The following GRM7 variants were observed in gnomAD, a reference collection of about 807,000 sequenced individuals.
GRM7 encodes the protein glutamate metabotropic receptor 7, also known as metabotropic glutamate receptor 7.
A neutral mutation model predicts 84.5 loss-of-function variants in GRM7; 35 were observed. The ratio of observed to expected loss-of-function variants is 0.41; its 90% CI spans 0.32 to 0.55. GRM7 has a LOEUF of 0.55. GRM7 is among the 20% of genes least tolerant of loss of function. The pLI is 0.19. For synonymous variants in GRM7, 487 were observed against 455.1 expected (o/e 1.07, Z -0.89); for missense variants, 1,003 against 1,194.6 (o/e 0.84, Z 2.36).
In GRM7 at chr3:7,285,715, A is replaced by G. The variant is rs7634537; in HGVS notation, c.737-12969A>G. Among the ~76,000 whole-genome samples the G allele has an allele frequency of 8.1e-3, 1,228 of 152,178 alleles. 13 individuals carry two copies. The highest frequency in any genetic ancestry group is 0.038 in the East Asian group (194 of 5,164). ...AATAGTTTTTTGCCCTCTTGGTGGC[A>G]CTGTGATGCCAATTGTCTATTGGTA... is the stretch of plus-strand genomic sequence containing the variant. On this transcript the variant is annotated intron_variant, in intron 2 of 9. Coordinates refer to ENST00000357716, the MANE Select transcript of GRM7 (RefSeq NM_000844.4).
chr3:7,271,515 C>T (rs1401468405), intron 2 of GRM7, among the ~76,000 whole-genome samples: 3 of 143,322 alleles, frequency 2.1e-5, no homozygotes, highest in South Asian at 4.5e-4. Context: ...GCTGAAATCG[C>T]GTCATTGCAC....
intron 1 of GRM7, among the ~76,000 whole-genome samples, chr3:7,135,554 T>G (rs558429338): frequency 6.6e-6 from 1 of 152,292 alleles, no homozygotes; most frequent in African/African-American, 2.4e-5. Flanking sequence ...TGCCCACATA[T>G]GCAAATCCCC....
chr3:7,600,805 G>A (rs1248485519), intron 8 of GRM7, among the ~76,000 whole-genome samples: 1 of 152,106 alleles, frequency 6.6e-6, no homozygotes, highest in Non-Finnish European at 1.5e-5. Context: ...CATTTCAAAA[G>A]CCACATCTGT....
At chr3:7,153,343 A>T (rs897272632) in intron 2 of GRM7, among the ~76,000 whole-genome samples, 1 of 151,978 alleles carries the variant, frequency 6.6e-6, no homozygotes, top group Non-Finnish European at 1.5e-5. Flanking sequence ...TCTCTTTATG[A>T]GTTCCACAGC....
At chr3:7,101,824 T>C (rs2125022549) in intron 1 of GRM7, among the ~76,000 whole-genome samples, 1 of 148,474 alleles carries the variant, frequency 6.7e-6, no homozygotes, top group Non-Finnish European at 1.5e-5. Context: ...TTATATCTGC[T>C]TTATATATAA....
rs185776095 is a variant in GRM7 at position 7,689,042 on chromosome 3, G to A, written c.2698+8747G>A. 9.3e-4 allele frequency among the ~76,000 whole-genome samples: 142 copies of A among 152,222 alleles called. 1 individual carries two copies. The highest frequency in any genetic ancestry group is 3.1e-3 in the African/African-American group (130 of 41,536). ...TTATCAACCTAATGACATTTATGTCGAAATGCAATTAGGTACAAAATAAAA... is the reference window on the plus strand; with the variant it reads ...TTATCAACCTAATGACATTTATGTCAAAATGCAATTAGGTACAAAATAAAA... On this transcript the variant is annotated intron_variant, in intron 9 of 9. Transcript: ENST00000357716.
intron 2 of GRM7, among the ~76,000 whole-genome samples, chr3:7,266,052 T>A (rs1221604181): frequency 6.6e-6 from 1 of 151,938 alleles, no homozygotes; most frequent in East Asian, 1.9e-4. Flanking sequence ...CCCCGGTGCA[T>A]CTCTACAACA....
At chr3:7,469,796 A>G (rs1462104291) in intron 7 of GRM7, among the ~76,000 whole-genome samples, 1 of 152,212 alleles carries the variant, frequency 6.6e-6, no homozygotes, top group Non-Finnish European at 1.5e-5. Flanking sequence ...AAATATATTT[A>G]TAAATCAAAA....
intron 2 of GRM7, among the ~76,000 whole-genome samples, chr3:7,259,409 T>C (rs1318857238): frequency 6.6e-6 from 1 of 152,002 alleles, no homozygotes; most frequent in Admixed American, 6.6e-5. Context: ...ACAATAGTTA[T>C]TTTTTTTCTG....
intron 1 of GRM7, among the ~76,000 whole-genome samples, chr3:6,960,393 C>G (rs1241888230): frequency 6.6e-6 from 1 of 152,100 alleles, no homozygotes; most frequent in East Asian, 1.9e-4. Context: ...TCACCAACCC[C>G]CAACCCAATC....
At chr3:7,026,514 G>A (rs942353143) in intron 1 of GRM7, among the ~76,000 whole-genome samples, 3 of 152,186 alleles carry the variant, frequency 2.0e-5, no homozygotes, top group Non-Finnish European at 4.4e-5. Flanking sequence ...TGCTGTGTTT[G>A]TAAGAAGAGG....
chr3:7,673,993 G>T (rs1186523147), intron 8 of GRM7, among the ~76,000 whole-genome samples: 2 of 152,146 alleles, frequency 1.3e-5, no homozygotes, highest in Non-Finnish European at 1.5e-5. Context: ...TCAGAAAGGG[G>T]CAAATAAAGG....
At chr3:7,361,557 T>A (rs190965422) in intron 4 of GRM7, among the ~76,000 whole-genome samples, 253 of 152,230 alleles carry the variant, frequency 1.7e-3, no homozygotes, top group Non-Finnish European at 2.2e-3. Context: ...TACTTGTGTT[T>A]TCCTGTGGTT....
Position 7,567,983 on chromosome 3 carries a change from C to T in GRM7, c.1516-10439C>T, listed in dbSNP as rs183830462. The stretch of plus-strand genomic sequence containing the variant: ...CCAGTTTATGAAAACAACTCAGGAA[C>T]GTATGTCAATATGTTACCTTTAGTT... On this transcript the variant is annotated intron_variant, in intron 7 of 9. Coordinates refer to ENST00000357716, the MANE Select transcript of GRM7 (RefSeq NM_000844.4). Among the ~76,000 whole-genome samples, 12 of 152,112 alleles carry T rather than the reference C, an allele frequency of 7.9e-5. No homozygotes were observed. The South Asian group carries it at 8.3e-4, about 11-fold the overall frequency.
intron 4 of GRM7, among the ~76,000 whole-genome samples, chr3:7,318,630 A>T (rs776677431): frequency 6.6e-6 from 1 of 152,002 alleles, no homozygotes; most frequent in Non-Finnish European, 1.5e-5. Context: ...TGGAAAAGGG[A>T]AGAAAAAACC....
At chr3:7,295,640 C>A (rs1366811345) in intron 2 of GRM7, among the ~76,000 whole-genome samples, 1 of 152,150 alleles carries the variant, frequency 6.6e-6, no homozygotes, top group Non-Finnish European at 1.5e-5. Flanking sequence ...TAGTTTTCAG[C>A]ACACAGACCT....
At chr3:7,019,601 G>A (rs1695701094) in intron 1 of GRM7, among the ~76,000 whole-genome samples, 1 of 152,182 alleles carries the variant, frequency 6.6e-6, no homozygotes, top group Non-Finnish European at 1.5e-5. Flanking sequence ...ATTTACCAAT[G>A]AATAAGAGTG....
At chr3:7,206,995 G>A (rs1384975362) in intron 2 of GRM7, among the ~76,000 whole-genome samples, 3 of 151,922 alleles carry the variant, frequency 2.0e-5, no homozygotes, top group Non-Finnish European at 4.4e-5. Flanking sequence ...AAGATGATTT[G>A]CATACAGACA....
chr3:7,372,678 G>T (rs1018829106), intron 4 of GRM7, among the ~76,000 whole-genome samples: 2 of 152,030 alleles, frequency 1.3e-5, no homozygotes, highest in Non-Finnish European at 2.9e-5. Flanking sequence ...GCACCAAACA[G>T]GTATCAGATC....
Sources: gnomAD v4.1 joint callset for allele counts (sites outside exome capture counted in the v4.1 genomes callset) on GRCh38, gnomAD v4.1.1 for gene constraint, MANE v1.5 for transcripts, NCBI Gene and HGNC (gene_info 2026-07-23, HGNC 2026-07-21) for gene names.